The following DLGAP2 variants were observed in gnomAD, a reference collection of about 807,000 sequenced individuals.
DLGAP2 encodes DLG associated protein 2, also known as disks large-associated protein 2.
In DLGAP2, 26 loss-of-function variants were observed where a neutral mutation model predicts 100.3. The observed-to-expected ratio is 0.26, with a 90% CI of 0.19 to 0.36. DLGAP2 has a LOEUF of 0.36. Among genes scored for constraint, DLGAP2 ranks in the 10% least tolerant of loss-of-function variants. The probability of loss-of-function intolerance (pLI) is 1.00; values close to 1 mark genes in which losing one functional copy is unlikely to be tolerated. For synonymous variants in DLGAP2, 886 were observed against 630.1 expected (o/e 1.41, Z -6.08); for missense variants, 1,858 against 1,453.2 (o/e 1.28, Z -4.53).
At chr8:1,167,783 T>C (rs1357704975) in intron 2 of DLGAP2, among the ~76,000 whole-genome samples, 1 of 152,150 alleles carries the variant, frequency 6.6e-6, no homozygotes, top group Non-Finnish European at 1.5e-5. Context: ...TGTCTGACAC[T>C]GAGGTACAAA....
chr8:959,200 A>C (rs17065492), intron 2 of DLGAP2, among the ~76,000 whole-genome samples: 3,349 of 152,314 alleles, frequency 0.022, 120 homozygotes, highest in African/African-American at 0.077. Context: ...CGTCTCCAAA[A>C]GACATGTAAA....
chr8:1,130,372 G>A (rs1436911261), intron 2 of DLGAP2, among the ~76,000 whole-genome samples: 6 of 152,216 alleles, frequency 3.9e-5, no homozygotes, highest in Middle Eastern at 3.4e-3. Context: ...GTAATAAAAA[G>A]CAACTCACAG....
chr8:1,070,951 G>A (rs570973535), intron 2 of DLGAP2, among the ~76,000 whole-genome samples: 45 of 152,324 alleles, frequency 3.0e-4, no homozygotes, highest in African/African-American at 1.0e-3. Context: ...GGAAGACTCA[G>A]CCTGTGTTCC....
intron 3 of DLGAP2, among the ~76,000 whole-genome samples, chr8:1,287,528 AGT>A (rs72312295): frequency 1.2e-4 from 8 of 67,316 alleles, no homozygotes; most frequent in South Asian, 5.8e-4. Flanking sequence ...GTTTTGGTTC[AGT>A]GTGTGTGTGT....
In DLGAP2 at chr8:948,541, C is replaced by T. The variant is rs559025767; in HGVS notation, c.73+40575C>T. Among the ~76,000 whole-genome samples, 11 of 152,344 alleles carry T rather than the reference C, an allele frequency of 7.2e-5. No individual in the cohort carries two copies. In the South Asian group the frequency reaches 8.3e-4, roughly 11 times the overall value. ...AGACGTTGGCTCCTCCGCTCTGCTCCCTGAGCCCCACGGGGCCTGAGTGCA... is the reference window on the plus strand; with the variant it reads ...AGACGTTGGCTCCTCCGCTCTGCTCTCTGAGCCCCACGGGGCCTGAGTGCA... On this transcript the variant is annotated intron_variant, in intron 2 of 14. Transcript: ENST00000637795.
chr8:1,546,432 A>G (rs2130506002), intron 4 of DLGAP2, among the ~76,000 whole-genome samples: 1 of 152,322 alleles, frequency 6.6e-6, no homozygotes, highest in East Asian at 1.9e-4. Context: ...CTGACTTCCC[A>G]GGGACTCATG....
intron 3 of DLGAP2, among the ~76,000 whole-genome samples, chr8:1,307,436 G>GTTCC (rs1800515939): frequency 6.6e-6 from 1 of 152,162 alleles, no homozygotes; most frequent in South Asian, 2.1e-4. Flanking sequence ...ATAGAAAGAT[G>GTTCC]TTCCCATCAT....
chr8:1,093,252 C>G (rs55940420), intron 2 of DLGAP2, among the ~76,000 whole-genome samples: 1 of 148,938 alleles, frequency 6.7e-6, no homozygotes. Flanking sequence ...CCTTCACACC[C>G]GCAGCCAGAA....
intron 1 of DLGAP2, among the ~76,000 whole-genome samples, chr8:858,215 T>C (rs774759219): frequency 5.3e-5 from 8 of 152,224 alleles, no homozygotes; most frequent in Admixed American, 5.2e-4. Context: ...GATGAATGAA[T>C]AACCAAACTG....
intron 2 of DLGAP2, among the ~76,000 whole-genome samples, chr8:917,308 A>T (rs546123987): frequency 3.2e-4 from 47 of 149,160 alleles, no homozygotes; most frequent in South Asian, 1.9e-3. Flanking sequence ...GTGCAACCAC[A>T]GTTCACTAGA....
chr8:1,366,737 C>G (rs1585304457), intron 3 of DLGAP2, among the ~76,000 whole-genome samples: 1 of 152,128 alleles, frequency 6.6e-6, no homozygotes, highest in East Asian at 1.9e-4. Flanking sequence ...GGATGGAGAG[C>G]AGGCATCATC....
chr8:1,326,431 G>C (rs1801022777), intron 3 of DLGAP2, among the ~76,000 whole-genome samples: 1 of 152,208 alleles, frequency 6.6e-6, no homozygotes, highest in Non-Finnish European at 1.5e-5. Flanking sequence ...AGAAATGTAA[G>C]GAAAGGAGCT....
chr8:1,086,988 G>A (rs2701934), intron 2 of DLGAP2, among the ~76,000 whole-genome samples: 19,050 of 152,134 alleles, frequency 0.13, 2,585 homozygotes, highest in African/African-American at 0.34. Context: ...ATTCCTCAGG[G>A]TAGATCATTT....
chr8:1,565,531 A>T (rs2956916), intron 5 of DLGAP2, 152 bp from the exon 6 acceptor site: 1 of 613,608 alleles, frequency 1.6e-6, no homozygotes, highest in Non-Finnish European at 2.8e-6. Flanking sequence ...TCCTTTTAGG[A>T]TATGCATTTT....
intron 1 of DLGAP2, among the ~76,000 whole-genome samples, chr8:881,177 A>T (rs1797783757): frequency 6.6e-6 from 1 of 152,242 alleles, no homozygotes; most frequent in African/African-American, 2.4e-5. Context: ...CAGGAAAGTT[A>T]AGCGACCTAG....
chr8:1,566,447 A>G (rs1584934269), intron 6 of DLGAP2, among the ~76,000 whole-genome samples: 1 of 152,362 alleles, frequency 6.6e-6, no homozygotes, highest in Non-Finnish European at 1.5e-5. Context: ...TCTTTGGGAA[A>G]TCAGCAATTC....
intron 2 of DLGAP2, among the ~76,000 whole-genome samples, chr8:1,212,931 A>G (rs576203920): frequency 7.2e-5 from 11 of 152,228 alleles, no homozygotes; most frequent in African/African-American, 2.2e-4. Flanking sequence ...AGTGCTCTTC[A>G]TATAGATCAG....
intron 2 of DLGAP2, among the ~76,000 whole-genome samples, chr8:1,218,714 T>C (rs570078514): frequency 5.9e-5 from 9 of 152,296 alleles, no homozygotes; most frequent in African/African-American, 2.2e-4. Flanking sequence ...TGTAAATTGC[T>C]TTGATTAGTA....
At chr8:1,135,985 C>T (rs1026248633) in intron 2 of DLGAP2, among the ~76,000 whole-genome samples, 1 of 152,186 alleles carries the variant, frequency 6.6e-6, no homozygotes, top group African/African-American at 2.4e-5. Context: ...AATCAATGAG[C>T]CAGATCCTCC....
Sources: gnomAD v4.1 joint callset for allele counts (sites outside exome capture counted in the v4.1 genomes callset) on GRCh38, gnomAD v4.1.1 for gene constraint, MANE v1.5 for transcripts, NCBI Gene and HGNC (gene_info 2026-07-23, HGNC 2026-07-21) for gene names.